The following CNTN2 variants were observed in gnomAD, a reference collection of about 807,000 sequenced individuals.
The protein encoded by CNTN2 is contactin 2, also known as contactin-2.
CNTN2 carries 53 observed loss-of-function variants against 117.5 expected under a neutral mutation model. The ratio of observed to expected loss-of-function variants is 0.45; its 90% CI spans 0.36 to 0.57. The LOEUF is 0.57. Among genes scored for constraint, CNTN2 ranks in the 20% least tolerant of loss-of-function variants. The pLI is 0.00. For synonymous variants in CNTN2, 530 were observed against 561.7 expected (o/e 0.94, Z 0.80); for missense variants, 1,106 against 1,404.3 (o/e 0.79, Z 3.39).
chr1:205,064,738 C>T lies in CNTN2; in HGVS notation c.1507C>T (p.Leu503=), dbSNP rs766723952. The T allele has an allele frequency of 5.6e-6, 9 of 1,614,046 alleles. No homozygotes were observed. The South Asian group carries it at 9.9e-5, about 18-fold the overall frequency. The change falls in exon 12 of 23, where the codon CTA becomes TTA. Residue 503 remains leucine, a synonymous_variant. Transcript: ENST00000331830. ...GGGCAAAGCCAACAGCACTGGAATCCTATCTGTGCGAGGTGAGGGCTGCCA... is the reference window on the plus strand; with the variant it reads ...GGGCAAAGCCAACAGCACTGGAATCTTATCTGTGCGAGGTGAGGGCTGCCA... The part of the protein sequence containing the change: ...FMGKANSTGI[L]SVRDATKITL...
chr1:205,056,233 A>G (rs1653601523), intron 2 of CNTN2, among the ~76,000 whole-genome samples: 1 of 152,234 alleles, frequency 6.6e-6, no homozygotes. Context: ...GGAAGCTGCT[A>G]TTGTACTAGG....
Position 205,059,779 on chromosome 1 carries a change from G to T in CNTN2, c.797+97G>T. 2 of 1,004,888 alleles carry T rather than the reference G, an allele frequency of 2.0e-6. No individual in the cohort carries two copies. Among genetic ancestry groups the T allele is most frequent in the Non-Finnish European group, 3.1e-6 (2 of 639,756 alleles). The allele number at this position is 1,004,888 out of a possible 1,614,324, so 62.2% of individuals were successfully genotyped here. Reference sequence around the variant, plus strand: ...GCAGAGTCAGGGCTCTTATCTTGGTGTCCCTCACAGGGTCTAGCAAAGTAC... The same window carrying T: ...GCAGAGTCAGGGCTCTTATCTTGGTTTCCCTCACAGGGTCTAGCAAAGTAC... On this transcript the variant is annotated intron_variant, in intron 7 of 22. Transcript: ENST00000331830. This position sits in a 1 kb window ranked among gnomAD's most constrained non-coding sequence, Gnocchi z 5.6.
chr1:205,067,016 T>C, intron 15 of CNTN2, 85 bp from the exon 16 acceptor site: 1 of 1,493,484 alleles, frequency 6.7e-7, no homozygotes, highest in South Asian at 1.3e-5. Flanking sequence ...GCTGGGTAGA[T>C]AAGGGGTGAT....
rs762044462 is a variant in CNTN2 at position 205,059,129 on chromosome 1, C to T, written c.533C>T (p.Pro178Leu). The stretch of plus-strand genomic sequence containing the variant: ...CTCAACGAGTTCCCCAACTTCATCC[C>T]GACGGACGGGCGTCACTTCGTGTCC... ...WLLNEFPNFIPTDGRHFVSQT... is the reference protein window; with the variant it reads ...WLLNEFPNFILTDGRHFVSQT... Residue 178 changes from proline (P) to leucine (L), a missense_variant, in exon 6 of 23, where the codon CCG becomes CTG. Pro to Leu is a moderately conservative substitution (Grantham distance 98). Transcript: ENST00000331830. The surrounding 1 kb of genome is among the most constrained non-coding windows in gnomAD (Gnocchi z 5.6). 30 of 1,614,092 alleles carry T rather than the reference C, an allele frequency of 1.9e-5. No individual in the cohort carries two copies. The highest frequency in any genetic ancestry group is 2.4e-5 in the Non-Finnish European group (28 of 1,180,054).
intron 18 of CNTN2, 117 bp downstream of exon 18, chr1:205,070,178 A>G: frequency 6.0e-6 from 6 of 1,004,756 alleles, no homozygotes; most frequent in Non-Finnish European, 8.9e-6. Context: ...GGTTGAGAGG[A>G]CACCTGGGTT....
At position 205,072,567 on chromosome 1, in the gene CNTN2, G is replaced by A. The variant is rs1050153255; in HGVS notation, c.2816G>A (p.Arg939Gln). The A allele has an allele frequency of 7.4e-6, 12 of 1,613,766 alleles. No homozygotes were observed. Among genetic ancestry groups the A allele is most frequent in the African/African-American group, 4.0e-5 (3 of 74,922 alleles). ...SIKWDPVVPF[R>Q]NESAVTGYKM... ...AAGTGGGACCCTGTGGTCCCTTTCC[G>A]AAATGAGTCTGCAGTCACCGGCTAT... The change falls in exon 21 of 23, where the codon CGA becomes CAA. Residue 939 changes from arginine (R) to glutamine (Q), a missense_variant. Coordinates refer to ENST00000331830, the MANE Select transcript of CNTN2 (RefSeq NM_005076.5).
Position 205,061,470 on chromosome 1 carries a change from C to T in CNTN2, c.973+50C>T, listed in dbSNP as rs142949734. ...CGCCCCTCCCGACCCCCCTTCCCGC[C>T]TTCACCCTTGTCCCCAAGGAAACAG... On this transcript the variant is annotated intron_variant, in intron 8 of 22. Coordinates refer to ENST00000331830, the MANE Select transcript of CNTN2 (RefSeq NM_005076.5). The surrounding 1 kb of genome is among the most constrained non-coding windows in gnomAD (Gnocchi z 4.8). The T allele has an allele frequency of 2.1e-3, 3,184 of 1,506,822 alleles. 3 individuals are homozygous for T. The highest frequency in any genetic ancestry group is 2.4e-3 in the Non-Finnish European group (2,719 of 1,122,796). 93.3% of individuals were successfully genotyped at this position (1,506,822 alleles called of 1,614,324 possible).
At chr1:205,072,441 G>A (rs185379230) in intron 20 of CNTN2, 42 bp from the exon 21 acceptor site, 7 of 1,560,900 alleles carry the variant, frequency 4.5e-6, no homozygotes, top group South Asian at 4.4e-5. Flanking sequence ...CGGGGTGCCA[G>A]GGAAACGTTT....
intron 16 of CNTN2, chr1:205,069,237 G>C: frequency 4.1e-6 from 2 of 488,106 alleles, no homozygotes; most frequent in East Asian, 6.5e-5. Context: ...TTATCTTCAT[G>C]GAGAAGAGAA....
At chr1:205,053,424 CCTTT>C (rs1036356333) in intron 2 of CNTN2, among the ~76,000 whole-genome samples, 169 bp downstream of exon 2, 17 of 152,148 alleles carry the variant, frequency 1.1e-4, no homozygotes, top group Admixed American at 2.0e-4. Context: ...ATCTTACCTT[CCTTT>C]GAGTTTAGGA....
Position 205,059,740 on chromosome 1 carries a change from CAGGGT to C in CNTN2, c.797+59_797+63del. On this transcript the variant is annotated intron_variant, in intron 7 of 22. Coordinates refer to ENST00000331830, the MANE Select transcript of CNTN2 (RefSeq NM_005076.5). This position sits in a 1 kb window ranked among gnomAD's most constrained non-coding sequence, Gnocchi z 5.6. ...GGTCTCTCGGGGGCACAGGTGACCCCAGGGTGAGGGCAGGCAGAGTCAGGGCTCTT... is the reference window on the plus strand; with the variant it reads ...GGTCTCTCGGGGGCACAGGTGACCCCGAGGGCAGGCAGAGTCAGGGCTCTT... 1.3e-5 allele frequency: 19 copies of C among 1,458,574 alleles called. No individual in the cohort carries two copies. Among genetic ancestry groups the C allele is most frequent in the South Asian group, 2.3e-5 (2 of 87,906 alleles). 90.4% of individuals were successfully genotyped at this position (1,458,574 alleles called of 1,614,324 possible). A position where few individuals can be genotyped will look rare whatever the true frequency, so the allele number is the denominator to read the frequency against.
chr1:205,074,819 A>G lies in CNTN2; in HGVS notation c.*1054A>G, dbSNP rs1654778939. ...GTCCTGGTATTGGGAGGTTTCTGGG[A>G]AGGGCAGAGGATAAATGTGGCCCTG... On this transcript the variant is annotated 3_prime_UTR_variant, in exon 23 of 23. Transcript: ENST00000331830. The G allele has an allele frequency of 1.3e-5, 5 of 398,542 alleles. No individual in the cohort carries two copies. In the Admixed American group the frequency reaches 2.2e-4, roughly 18 times the overall value. The allele number at this position is 398,542 out of a possible 1,614,324, so 24.7% of individuals were successfully genotyped here.
At chr1:205,072,439 C>A in intron 20 of CNTN2, 44 bp from the exon 21 acceptor site, 1 of 1,547,078 alleles carries the variant, frequency 6.5e-7, no homozygotes, top group Non-Finnish European at 8.9e-7. Context: ...TGCGGGGTGC[C>A]AGGGAAACGT....
Position 205,061,255 on chromosome 1 carries a change from C to T in CNTN2, c.808C>T (p.Arg270Trp), listed in dbSNP as rs781526005. 2.5e-5 allele frequency: 40 copies of T among 1,609,364 alleles called. No individual in the cohort carries two copies. The African/African-American group carries it at 3.6e-4, about 15-fold the overall frequency. The change falls in exon 8 of 23, where the codon CGG (arginine) becomes TGG (tryptophan). Residue 270 changes from arginine (R) to tryptophan (W), a missense_variant. Physicochemically the swap from Arg to Trp is moderately radical, Grantham distance 101 (BLOSUM62 -3). Coordinates refer to ENST00000331830, the MANE Select transcript of CNTN2 (RefSeq NM_005076.5). The surrounding 1 kb of genome is among the most constrained non-coding windows in gnomAD (Gnocchi z 4.8). The stretch of plus-strand genomic sequence containing the variant: ...TGTCTCTCCTGCCAGCCCTGTCCCC[C>T]GGATCAAGTGGCGCAAAGTGGACGG... ...ECFAFGNPVP[R>W]IKWRKVDGSL...
At chr1:205,072,298 GC>G in intron 20 of CNTN2, 165 bp downstream of exon 20, 5 of 831,960 alleles carry the variant, frequency 6.0e-6, no homozygotes, top group Non-Finnish European at 9.2e-6. Context: ...GGAATTCATG[GC>G]CCCTGAAGCG....
At chr1:205,055,803 A>G (rs1043308629) in intron 2 of CNTN2, among the ~76,000 whole-genome samples, 1 of 152,240 alleles carries the variant, frequency 6.6e-6, no homozygotes, top group African/African-American at 2.4e-5. Context: ...CAGGAAAATA[A>G]GAAAATGGCA....
chr1:205,068,164 A>AG (rs1415853318), intron 16 of CNTN2: 2 of 152,266 alleles, frequency 1.3e-5, no homozygotes, highest in East Asian at 3.9e-4. Context: ...AGGAGAGAGT[A>AG]GGGGAGGCAC....
At position 205,069,561 on chromosome 1, in the gene CNTN2, G is replaced by A; in HGVS notation, c.2196G>A (p.Thr732=). 6.2e-7 allele frequency: 1 copy of A among 1,612,766 alleles called. No individual in the cohort carries two copies. Among genetic ancestry groups the A allele is most frequent in the East Asian group, 2.2e-5 (1 of 44,876 alleles). ...CCGGAGAGCTCATCGTCAACTGGAC[G>A]GTAAGCTGCAAGGGTCAGATGTCCT... The part of the protein sequence containing the change: ...GAPGELIVNW[T]PMSREYQNGD... The change falls in exon 17 of 23, where the codon ACG becomes ACA. Residue 732 remains threonine (T), a splice_region_variant and synonymous_variant. Coordinates refer to ENST00000331830, the MANE Select transcript of CNTN2 (RefSeq NM_005076.5).
In CNTN2 at chr1:205,072,508, C is replaced by T. The variant is rs1452799322; in HGVS notation, c.2757C>T (p.Ile919=). 6.2e-7 allele frequency: 1 copy of T among 1,614,088 alleles called. No homozygotes were observed. The highest frequency in any genetic ancestry group is 8.5e-7 in the Non-Finnish European group (1 of 1,180,048). Residue 919 remains isoleucine (I), a synonymous_variant, in exon 21 of 23, where the codon ATC becomes ATT. Transcript: ENST00000331830. ...KPPPRRPPGN[I]SWTFSSSSLS... Reference sequence around the variant, plus strand: ...CTCCGCGGCGACCTCCTGGCAACATCTCCTGGACTTTCTCAAGCTCTAGTC... The same window carrying T: ...CTCCGCGGCGACCTCCTGGCAACATTTCCTGGACTTTCTCAAGCTCTAGTC...
Sources: allele counts gnomAD v4.1 joint callset (sites outside exome capture counted in the v4.1 genomes callset), GRCh38; gene constraint gnomAD v4.1.1; non-coding constraint Gnocchi (gnomAD v3.1); transcripts MANE v1.5; gene names NCBI Gene and HGNC (gene_info 2026-07-23, HGNC 2026-07-21).